Variants in TGFBR2 observed in about 807,000 individuals in gnomAD.
The protein encoded by TGFBR2 is transforming growth factor beta receptor 2.
A neutral mutation model predicts 49.0 loss-of-function variants in TGFBR2; 18 were observed. The observed-to-expected ratio is 0.37, with a 90% confidence interval of 0.25 to 0.54. The LOEUF (loss-of-function observed/expected upper bound fraction) is 0.54. Ranked by LOEUF, TGFBR2 falls within the 20% of genes least tolerant of loss-of-function variation. TGFBR2 has a pLI of 0.85. For missense variants in TGFBR2, 525 were observed against 722.6 expected, an observed-to-expected ratio of 0.73 and a Z score of 3.13; for synonymous variants, 282 against 275.9, an observed-to-expected ratio of 1.02 and a Z score of -0.22.
intron 5 of TGFBR2, among the ~76,000 whole-genome samples, chr3:30,679,822 G>A (rs559603597): frequency 1.9e-4 from 29 of 152,258 alleles, no homozygotes; most frequent in Admixed American, 1.6e-3. Flanking sequence ...AATGGAGAAC[G>A]TATTTAAAAT....
chr3:30,616,927 T>G (rs990336357), intron 1 of TGFBR2, among the ~76,000 whole-genome samples: 1 of 152,224 alleles, frequency 6.6e-6, no homozygotes, highest in African/African-American at 2.4e-5. Flanking sequence ...TTGGTGGTAA[T>G]ATTATTCCTC....
Position 30,676,658 on chromosome 3 carries a change from C to A in TGFBR2, c.1396+2412C>A, listed in dbSNP as rs1417872080. Among the ~76,000 whole-genome samples the A allele has an allele frequency of 4.6e-5, 7 of 152,214 alleles. No individual in the cohort carries two copies. Among genetic ancestry groups the A allele is most frequent in the Non-Finnish European group, 8.8e-5 (6 of 68,036 alleles). ...TTGCCCAAGGCAGATTCAGTTGGCA[C>A]CACTGCTGGCTCTGATTCTTCATCC... On this transcript the variant is annotated intron_variant, in intron 5 of 6. Transcript: ENST00000295754. This position sits in a 1 kb window ranked among gnomAD's most constrained non-coding sequence, Gnocchi z 4.3.
intron 3 of TGFBR2, among the ~76,000 whole-genome samples, 182 bp from the exon 4 acceptor site, chr3:30,671,456 C>T (rs1699334851): frequency 6.6e-6 from 1 of 152,128 alleles, no homozygotes; most frequent in Non-Finnish European, 1.5e-5. Context: ...GAACAGATGG[C>T]CAGAGGCAGG....
At chr3:30,657,615 G>A (rs770767165) in intron 3 of TGFBR2, among the ~76,000 whole-genome samples, 4 of 152,132 alleles carry the variant, frequency 2.6e-5, no homozygotes, top group Non-Finnish European at 4.4e-5. Context: ...AACTTGGCAC[G>A]GCACCTGGCA....
At chr3:30,614,512 C>G (rs1045455353) in intron 1 of TGFBR2, among the ~76,000 whole-genome samples, 1 of 152,168 alleles carries the variant, frequency 6.6e-6, no homozygotes, top group Non-Finnish European at 1.5e-5. Flanking sequence ...GGATGACTAC[C>G]TGTCACGCCC....
intron 1 of TGFBR2, among the ~76,000 whole-genome samples, chr3:30,612,620 G>C (rs1220155642): frequency 6.6e-6 from 1 of 152,192 alleles, no homozygotes; most frequent in Non-Finnish European, 1.5e-5. Context: ...TGGTGTCTTA[G>C]TGGTAGGACT....
In TGFBR2 at chr3:30,681,160, G is replaced by GAA. The variant is rs55729736; in HGVS notation, c.1396+6934_1396+6935dup. Among the ~76,000 whole-genome samples, 769 of 82,822 alleles carry GAA rather than the reference G, an allele frequency of 9.3e-3. 10 individuals are homozygous for GAA. The highest frequency in any genetic ancestry group is 0.032 in the African/African-American group (650 of 20,208). The allele number at this position is 82,822 out of a possible 152,430, so 54.3% of individuals were successfully genotyped here. ...TCAAGTTGCTGCAGCCTTGTGAGAT[G>GAA]AAAAAAAAAAAAAAAAAAAAAGTGC... On this transcript the variant is annotated intron_variant, in intron 5 of 6. Transcript: ENST00000295754.
At chr3:30,654,889 T>G (rs897359184) in intron 3 of TGFBR2, among the ~76,000 whole-genome samples, 3 of 152,212 alleles carry the variant, frequency 2.0e-5, no homozygotes, top group Admixed American at 2.0e-4. Context: ...CCAAGTGCAG[T>G]CAGACATTTA....
At chr3:30,657,526 T>A (rs1243231995) in intron 3 of TGFBR2, among the ~76,000 whole-genome samples, 1 of 152,330 alleles carries the variant, frequency 6.6e-6, no homozygotes, top group South Asian at 2.1e-4. Context: ...CTTGTTTACC[T>A]CTCTGAAAAA....
intron 1 of TGFBR2, among the ~76,000 whole-genome samples, chr3:30,616,265 T>G (rs1176400640): frequency 6.6e-6 from 1 of 152,218 alleles, no homozygotes; most frequent in Non-Finnish European, 1.5e-5. Context: ...AAACAGAGAC[T>G]GAAATCTGCA....
At chr3:30,688,359 C>G (rs907176457) in intron 5 of TGFBR2, 25 bp from the exon 6 acceptor site, 10 of 1,613,934 alleles carry the variant, frequency 6.2e-6, no homozygotes, top group Non-Finnish European at 8.5e-6. Context: ...CTCAGTGACC[C>G]TGTGTTTGCT....
chr3:30,644,895 G>A lies in TGFBR2; in HGVS notation c.243G>A (p.Gln81=), dbSNP rs765447350. Residue 81 remains glutamine (Q), a synonymous_variant, in exon 2 of 7, where the codon CAG becomes CAA. Transcript: ENST00000295754. ...CSITSICEKP[Q]EVCVAVWRKN... ...TCACCTCCATCTGTGAGAAGCCACA[G>A]GAAGTCTGTGTGGCTGTATGGTAAG... The A allele has an allele frequency of 6.2e-7, 1 of 1,614,056 alleles. No individual in the cohort carries two copies.
chr3:30,666,255 T>C (rs1185059755), intron 3 of TGFBR2, among the ~76,000 whole-genome samples: 1 of 152,170 alleles, frequency 6.6e-6, no homozygotes, highest in Non-Finnish European at 1.5e-5. Flanking sequence ...TATATCTGGT[T>C]CAATGTTATT....
At chr3:30,607,793 T>A (rs867993545) in intron 1 of TGFBR2, among the ~76,000 whole-genome samples, 8,499 of 134,234 alleles carry the variant, frequency 0.063, 582 homozygotes, top group African/African-American at 0.19. Flanking sequence ...AAAATAAAAA[T>A]AAAAAAATAT....
chr3:30,649,815 A>G (rs562613921), intron 2 of TGFBR2, among the ~76,000 whole-genome samples: 85 of 152,266 alleles, frequency 5.6e-4, no homozygotes, highest in African/African-American at 2.0e-3. Context: ...CTCTTTGAAA[A>G]CAGTATAGCT....
At position 30,644,029 on chromosome 3, in the gene TGFBR2, G is replaced by A. The variant is rs73823654; in HGVS notation, c.95-718G>A. Reference sequence around the variant, plus strand: ...GGTGGATTCAGCTTTTATTTGCTGCGATCATAACTCCAATGCCTCACCAAT... The same window carrying A: ...GGTGGATTCAGCTTTTATTTGCTGCAATCATAACTCCAATGCCTCACCAAT... On this transcript the variant is annotated intron_variant, in intron 1 of 6. Transcript: ENST00000295754. Among the ~76,000 whole-genome samples the A allele has an allele frequency of 6.5e-3, 986 of 152,246 alleles. 9 individuals carry two copies. The highest frequency in any genetic ancestry group is 0.022 in the African/African-American group (913 of 41,524).
intron 6 of TGFBR2, among the ~76,000 whole-genome samples, chr3:30,690,561 G>T (rs1699692496): frequency 6.6e-6 from 1 of 152,228 alleles, no homozygotes; most frequent in Non-Finnish European, 1.5e-5. Context: ...TACAAAATGT[G>T]TGGCCTATAG....
At chr3:30,610,872 C>T (rs886975937) in intron 1 of TGFBR2, among the ~76,000 whole-genome samples, 2 of 152,178 alleles carry the variant, frequency 1.3e-5, no homozygotes, top group Non-Finnish European at 2.9e-5. Context: ...CCACATTTTC[C>T]CAGTCTATTT....
rs565436114 is a variant in TGFBR2 at position 30,691,700 on chromosome 3, C to T, written c.*101C>T. The T allele has an allele frequency of 2.9e-6, 4 of 1,374,990 alleles. No homozygotes were observed. In the East Asian group the frequency reaches 9.2e-5, roughly 32 times the overall value. The allele number at this position is 1,374,990 out of a possible 1,614,324, so 85.2% of individuals were successfully genotyped here. ...CCCTGAACTGATGCTTCCTGGAAAA[C>T]CAAGGGGGTCACTCCCCTCCCTGTA... is the stretch of plus-strand genomic sequence containing the variant. On this transcript the variant is annotated 3_prime_UTR_variant, in exon 7 of 7. Coordinates refer to ENST00000295754, the MANE Select transcript of TGFBR2 (RefSeq NM_003242.6).
Sources: allele counts gnomAD v4.1 joint callset (sites outside exome capture counted in the v4.1 genomes callset), GRCh38; gene constraint gnomAD v4.1.1; non-coding constraint Gnocchi (gnomAD v3.1); transcripts MANE v1.5; gene names NCBI Gene and HGNC (gene_info 2026-07-23, HGNC 2026-07-21).